TRHDE: variants seen among roughly 807,000 people sequenced by gnomAD.
The protein encoded by TRHDE is thyrotropin-releasing hormone-degrading ectoenzyme.
Under a neutral mutation model 125.7 loss-of-function variants are expected in TRHDE, and 72 were observed. That is an observed-to-expected ratio of 0.57 (90% CI 0.47 to 0.70). The LOEUF is 0.70. Among genes scored for constraint, TRHDE ranks in the 30% least tolerant of loss-of-function variants. TRHDE has a pLI of 0.00. For missense variants in TRHDE, 1,110 were observed against 1,327.1 expected (o/e 0.84, Z 2.54); for synonymous variants, 509 against 509.1 (o/e 1.00, Z 0.00).
intron 2 of TRHDE, among the ~76,000 whole-genome samples, chr12:72,296,182 T>G (rs1334033010): frequency 6.6e-6 from 1 of 152,242 alleles, no homozygotes; most frequent in Non-Finnish European, 1.5e-5. Flanking sequence ...TAAGTCAATT[T>G]CCATCAGAGA....
At chr12:72,284,507 A>C (rs375419642) in intron 1 of TRHDE, among the ~76,000 whole-genome samples, 1 of 152,332 alleles carries the variant, frequency 6.6e-6, no homozygotes. Flanking sequence ...AAAGGTACTG[A>C]CATTTCATTA....
chr12:72,369,099 A>T (rs962715584), intron 2 of TRHDE, among the ~76,000 whole-genome samples: 10 of 152,180 alleles, frequency 6.6e-5, no homozygotes, highest in Admixed American at 4.6e-4. Context: ...TTTCCTTTCA[A>T]TGATAAAAAT....
At position 72,630,951 on chromosome 12, in the gene TRHDE, C is replaced by T. The variant is rs1873470749; in HGVS notation, c.2675+9200C>T. 2.7e-5 allele frequency among the ~76,000 whole-genome samples: 4 copies of T among 148,948 alleles called. No homozygotes were observed. The South Asian group carries it at 8.4e-4, about 31-fold the overall frequency. On this transcript the variant is annotated intron_variant, in intron 15 of 18. Coordinates refer to ENST00000261180, the MANE Select transcript of TRHDE (RefSeq NM_013381.3). ...CTCTTTACTTCTAACTATTAGAGTT[C>T]CTTCATTTTTTTCTTTCTAATGACT...
upstream of TRHDE, chr12:72,271,918 C>A (rs762368346): frequency 4.4e-6 from 2 of 456,474 alleles, no homozygotes; most frequent in African/African-American, 2.0e-5. Flanking sequence ...GTCGGGTCTG[C>A]AACCTCCTGC....
intron 2 of TRHDE, among the ~76,000 whole-genome samples, chr12:72,244,522 T>C (rs187441626): frequency 4.0e-5 from 6 of 151,454 alleles, no homozygotes; most frequent in Admixed American, 1.3e-4. Context: ...CAATAAAATT[T>C]TACTTTTTTG....
chr12:72,222,704 T>C (rs1878026000), intron 2 of TRHDE, among the ~76,000 whole-genome samples: 1 of 152,122 alleles, frequency 6.6e-6, no homozygotes, highest in Non-Finnish European at 1.5e-5. Context: ...AGCAATCCTT[T>C]TCCATGGTTA....
Position 72,272,943 on chromosome 12 carries a change from A to G in TRHDE, c.300A>G (p.Thr100=). ...CCCTCGTGGCATTGCTCGCGGTCAC[A>G]ATGCTCGCTGTGCTGCTCAGCCTGC... is the stretch of plus-strand genomic sequence containing the variant. ...AVSLVALLAV[T]MLAVLLSLRF... The change falls in exon 1 of 19, where the codon ACA becomes ACG. Residue 100 remains threonine (T), a synonymous_variant. Coordinates refer to ENST00000261180, the MANE Select transcript of TRHDE (RefSeq NM_013381.3). The surrounding 1 kb of genome is among the most constrained non-coding windows in gnomAD (Gnocchi z 6.7). 1 of 1,575,694 alleles carries G rather than the reference A, an allele frequency of 6.3e-7. No homozygotes were observed. Among genetic ancestry groups the G allele is most frequent in the Non-Finnish European group, 8.6e-7 (1 of 1,168,532 alleles).
intron 3 of TRHDE, among the ~76,000 whole-genome samples, chr12:72,424,445 T>C (rs1874099335): frequency 6.6e-6 from 1 of 152,194 alleles, no homozygotes; most frequent in South Asian, 2.1e-4. Flanking sequence ...GGGTTAGGGC[T>C]TCAACATAAA....
At chr12:72,401,640 C>CAT (rs1873046344) in intron 3 of TRHDE, among the ~76,000 whole-genome samples, 1 of 152,084 alleles carries the variant, frequency 6.6e-6, no homozygotes, top group Non-Finnish European at 1.5e-5. Context: ...ATATTCAATG[C>CAT]CATTTAAACA....
Position 72,242,868 on chromosome 12 carries a change from C to T in TRHDE, n.280-135127C>T, listed in dbSNP as rs147751588. Among the ~76,000 whole-genome samples, 13 of 152,256 alleles carry T rather than the reference C, an allele frequency of 8.5e-5. No homozygotes were observed. The East Asian group carries it at 2.5e-3, about 29-fold the overall frequency. On this transcript the variant is annotated intron_variant and non_coding_transcript_variant, in intron 2 of 4. Transcript: ENST00000548156. ...ATGGCTACTTCTCCTTAACCAAAATCGTAACACCCCATGTCCACTTCTTGA... is the reference window on the plus strand; with the variant it reads ...ATGGCTACTTCTCCTTAACCAAAATTGTAACACCCCATGTCCACTTCTTGA...
chr12:72,584,536 A>G (rs1871365191), intron 12 of TRHDE, among the ~76,000 whole-genome samples: 1 of 152,172 alleles, frequency 6.6e-6, no homozygotes, highest in African/African-American at 2.4e-5. Flanking sequence ...CCTTTGGCCA[A>G]TATCTTCCCA....
intron 6 of TRHDE, among the ~76,000 whole-genome samples, chr12:72,529,040 TATTTC>T (rs1229002136): frequency 4.6e-5 from 7 of 152,216 alleles, no homozygotes; most frequent in African/African-American, 1.4e-4. Context: ...AAATTTAACT[TATTTC>T]ATTTTTCCTC....
chr12:72,655,615 G>A (rs765553052), intron 17 of TRHDE, among the ~76,000 whole-genome samples: 14 of 152,172 alleles, frequency 9.2e-5, no homozygotes, highest in Admixed American at 3.3e-4. Context: ...GCCACAATAC[G>A]TGGAAATTAT....
intron 2 of TRHDE, chr12:72,162,923 A>G (rs1392981499): frequency 2.0e-5 from 3 of 149,720 alleles, no homozygotes; most frequent in African/African-American, 7.4e-5. Context: ...TTTTTTTCAA[A>G]TTGTGTTTGT....
At chr12:72,538,981 C>A (rs1265396120) in intron 6 of TRHDE, among the ~76,000 whole-genome samples, 1 of 151,788 alleles carries the variant, frequency 6.6e-6, no homozygotes, top group East Asian at 1.9e-4. Flanking sequence ...TATTTACTGT[C>A]TTTCCATATA....
intron 6 of TRHDE, among the ~76,000 whole-genome samples, chr12:72,503,931 C>T (rs1354274927): frequency 6.6e-6 from 1 of 152,214 alleles, no homozygotes; most frequent in Non-Finnish European, 1.5e-5. Context: ...CAGTGAAGGT[C>T]ATGAGCTCAT....
intron 2 of TRHDE, among the ~76,000 whole-genome samples, chr12:72,195,880 A>G (rs891387662): frequency 1.6e-4 from 25 of 151,952 alleles, no homozygotes; most frequent in Admixed American, 1.4e-3. Context: ...ATCTTTAATC[A>G]ATCTTGAGTT....
chr12:72,097,409 T>G (rs1404153060), intron 1 of TRHDE, among the ~76,000 whole-genome samples: 1 of 149,014 alleles, frequency 6.7e-6, no homozygotes, highest in Non-Finnish European at 1.5e-5. Flanking sequence ...GTTTAGTCCC[T>G]CCTTACCTTG....
intron 2 of TRHDE, among the ~76,000 whole-genome samples, chr12:72,345,983 A>G (rs1870311782): frequency 7.8e-6 from 1 of 127,744 alleles, no homozygotes; most frequent in Admixed American, 7.7e-5. Flanking sequence ...GGAATTTGAG[A>G]GGAAAATCCA....
Sources: gnomAD v4.1 joint callset for allele counts (sites outside exome capture counted in the v4.1 genomes callset) on GRCh38, gnomAD v4.1.1 for gene constraint, Gnocchi (gnomAD v3.1) non-coding constraint, MANE v1.5 for transcripts, NCBI Gene and HGNC (gene_info 2026-07-23, HGNC 2026-07-21) for gene names.